SH3PXD2A: variants seen among roughly 807,000 people sequenced by gnomAD.
SH3PXD2A encodes the protein SH3 and PX domain-containing protein 2A.
SH3PXD2A carries 32 observed loss-of-function variants against 115.2 expected under a neutral mutation model. The observed-to-expected ratio is 0.28, with a 90% CI of 0.21 to 0.37. The LOEUF (loss-of-function observed/expected upper bound fraction) is 0.37. Ranked by LOEUF, SH3PXD2A falls within the 10% of genes least tolerant of loss-of-function variation. The pLI is 1.00. For missense variants in SH3PXD2A, 1,328 were observed against 1,498.7 expected (o/e 0.89, Z 1.88); for synonymous variants, 610 against 629.1 (o/e 0.97, Z 0.45).
At chr10:103,774,923 G>A (rs766990679) in intron 2 of SH3PXD2A, among the ~76,000 whole-genome samples, 1 of 152,186 alleles carries the variant, frequency 6.6e-6, no homozygotes, top group Non-Finnish European at 1.5e-5. Flanking sequence ...CGCCCTTCCG[G>A]TGTCCCAGCT....
intron 2 of SH3PXD2A, among the ~76,000 whole-genome samples, chr10:103,797,146 G>A (rs1175403432): frequency 6.6e-6 from 1 of 152,132 alleles, no homozygotes; most frequent in Non-Finnish European, 1.5e-5. Flanking sequence ...TTACAGGCAT[G>A]AACCACCACG....
At chr10:103,819,836 G>A (rs743240) in intron 1 of SH3PXD2A, among the ~76,000 whole-genome samples, 5,098 of 152,002 alleles carry the variant, frequency 0.034, 133 homozygotes, top group East Asian at 0.061. Flanking sequence ...CCCTAGAGGA[G>A]GGGGGGAGAT....
intron 9 of SH3PXD2A, among the ~76,000 whole-genome samples, chr10:103,626,128 T>C (rs12415413): frequency 0.9 from 136,832 of 152,378 alleles, 61,718 homozygotes; most frequent in East Asian, 1. Flanking sequence ...TGGAAGCACA[T>C]GGCAGGGGCC....
chr10:103,707,000 T>G (rs1029853137), intron 5 of SH3PXD2A, among the ~76,000 whole-genome samples: 1 of 152,200 alleles, frequency 6.6e-6, no homozygotes, highest in African/African-American at 2.4e-5. Context: ...GGCATCACAG[T>G]GGAGCCTGGA....
At chr10:103,799,804 T>C (rs1589459842) in intron 2 of SH3PXD2A, among the ~76,000 whole-genome samples, 1 of 152,132 alleles carries the variant, frequency 6.6e-6, no homozygotes, top group Non-Finnish European at 1.5e-5. Context: ...ACACTGGAAT[T>C]AAGGAGACTG....
chr10:103,791,222 G>A (rs1171311641), intron 2 of SH3PXD2A, among the ~76,000 whole-genome samples: 1 of 152,234 alleles, frequency 6.6e-6, no homozygotes, highest in Non-Finnish European at 1.5e-5. Context: ...GGCTGGGGGT[G>A]CAGCAAAGGG....
intron 2 of SH3PXD2A, among the ~76,000 whole-genome samples, chr10:103,768,879 C>T (rs1188950498): frequency 1.3e-5 from 2 of 152,074 alleles, no homozygotes; most frequent in African/African-American, 4.8e-5. Context: ...CCACTCACGG[C>T]ATGGAAGGGG....
Position 103,594,652 on chromosome 10 carries a change from C to T in SH3PXD2A, c.*7164G>A, listed in dbSNP as rs944466277. On this transcript the variant is annotated 3_prime_UTR_variant, in exon 15 of 15. Coordinates refer to ENST00000369774, the MANE Select transcript of SH3PXD2A (RefSeq NM_001394015.1). ...CCTGTGTCTTGGATTTAAAGAAAAC[C>T]TGTTGCAGATAATGAGTTGTAAATT... The T allele has an allele frequency of 2.0e-5, 3 of 152,174 alleles. No homozygotes were observed. Among genetic ancestry groups the T allele is most frequent in the Admixed American group, 6.5e-5 (1 of 15,280 alleles). 9.4% of individuals were successfully genotyped at this position (152,174 alleles called of 1,614,324 possible).
chr10:103,724,193 C>A, intron 5 of SH3PXD2A, 77 bp downstream of exon 5: 1 of 680,868 alleles, frequency 1.5e-6, no homozygotes. Context: ...GTTCCCACAG[C>A]CTCAGCCTCC....
At chr10:103,608,729 A>G (rs2036376892) in intron 13 of SH3PXD2A, 1 of 152,132 alleles carries the variant, frequency 6.6e-6, no homozygotes, top group South Asian at 2.1e-4. Flanking sequence ...CAGCCTCCCA[A>G]AGTGCTGGAA....
chr10:103,851,148 G>GGA (rs1842893276), intron 1 of SH3PXD2A, among the ~76,000 whole-genome samples: 1 of 140,598 alleles, frequency 7.1e-6, no homozygotes, highest in Non-Finnish European at 1.5e-5. Flanking sequence ...TAAGGGCTGA[G>GGA]AAAAAAAAAA....
chr10:103,627,405 C>T lies in SH3PXD2A; in HGVS notation c.605-203G>A, dbSNP rs899069684. ...AAGGCAGAAACGACCAGCACACTTC[C>T]CGAGAAGTGGGACCAATAAACTGTG... On this transcript the variant is annotated intron_variant, in intron 8 of 14. Coordinates refer to ENST00000369774, the MANE Select transcript of SH3PXD2A (RefSeq NM_001394015.1). This position sits in a 1 kb window ranked among gnomAD's most constrained non-coding sequence, Gnocchi z 4.4. Among the ~76,000 whole-genome samples, 10 of 152,202 alleles carry T rather than the reference C, an allele frequency of 6.6e-5. No individual in the cohort carries two copies. The highest frequency in any genetic ancestry group is 2.4e-4 in the African/African-American group (10 of 41,446).
chr10:103,818,193 G>T (rs2039343467), intron 1 of SH3PXD2A, among the ~76,000 whole-genome samples: 1 of 152,192 alleles, frequency 6.6e-6, no homozygotes, highest in Non-Finnish European at 1.5e-5. Flanking sequence ...TCTAATTCCT[G>T]CAAGAGCCAA....
chr10:103,687,286 G>A (rs1364674932), intron 6 of SH3PXD2A, among the ~76,000 whole-genome samples: 2 of 152,102 alleles, frequency 1.3e-5, no homozygotes, highest in South Asian at 2.1e-4. Context: ...CCCCACAATT[G>A]TGTAAGCTAG....
chr10:103,819,370 G>A (rs1377382658), intron 1 of SH3PXD2A, among the ~76,000 whole-genome samples: 9 of 152,158 alleles, frequency 5.9e-5, no homozygotes, highest in African/African-American at 1.4e-4. Flanking sequence ...GGTGAGGGTT[G>A]TGGTGGTGGA....
intron 2 of SH3PXD2A, among the ~76,000 whole-genome samples, chr10:103,782,827 C>CAAAAAAAAAAA (rs1177829829): frequency 2.2e-5 from 1 of 45,362 alleles, no homozygotes; most frequent in Non-Finnish European, 4.8e-5. Context: ...TCCATCTCTC[C>CAAAAAAAAAAA]AAAAAAAAAA....
intron 5 of SH3PXD2A, among the ~76,000 whole-genome samples, chr10:103,709,541 G>A (rs73334719): frequency 0.041 from 6,264 of 152,232 alleles, 321 homozygotes; most frequent in African/African-American, 0.12. Flanking sequence ...TTTTGTGGGC[G>A]CTAATGAGCC....
chr10:103,715,042 C>A (rs938144767), intron 5 of SH3PXD2A, among the ~76,000 whole-genome samples: 1 of 152,238 alleles, frequency 6.6e-6, no homozygotes, highest in Non-Finnish European at 1.5e-5. Flanking sequence ...CGGTGAGATG[C>A]TCCTCTCCCA....
At chr10:103,623,150 C>T (rs1458212271) in intron 9 of SH3PXD2A, among the ~76,000 whole-genome samples, 2 of 152,174 alleles carry the variant, frequency 1.3e-5, no homozygotes, top group Admixed American at 6.5e-5. Flanking sequence ...AGCACAGGGC[C>T]GGGCACACAG....
Sources: allele counts gnomAD v4.1 joint callset (sites outside exome capture counted in the v4.1 genomes callset), GRCh38; gene constraint gnomAD v4.1.1; non-coding constraint Gnocchi (gnomAD v3.1); transcripts MANE v1.5; gene names NCBI Gene and HGNC (gene_info 2026-07-23, HGNC 2026-07-21).